ABCA10: variants seen among roughly 807,000 people sequenced by gnomAD.
ABCA10 encodes the protein ATP binding cassette subfamily A member 10.
Under a neutral mutation model 187.5 loss-of-function variants are expected in ABCA10, and 169 were observed. The observed-to-expected ratio is 0.90, with a 90% CI of 0.80 to 1.02. The LOEUF is 1.02. Among genes scored for constraint, ABCA10 ranks in the 50% least tolerant of loss-of-function variants. The pLI, the probability that ABCA10 is intolerant of heterozygous loss-of-function variation, is 0.00. For missense variants in ABCA10, 1,727 were observed against 1,812.4 expected (o/e 0.95, Z 0.86); for synonymous variants, 574 against 601.8 (o/e 0.95, Z 0.68).
upstream of ABCA10, chr17:69,228,987 C>A (rs2074813791): frequency 6.6e-6 from 1 of 151,632 alleles, no homozygotes; most frequent in South Asian, 2.1e-4. Flanking sequence ...GACAGCCAAG[C>A]TAAAAAAGGA....
At chr17:69,235,954 G>T (rs1029970126) in intron 1 of ABCA10, among the ~76,000 whole-genome samples, 1 of 152,112 alleles carries the variant, frequency 6.6e-6, no homozygotes, top group Non-Finnish European at 1.5e-5. Context: ...CTAGGCAAAA[G>T]AAAACTTCCA....
chr17:69,231,732 G>C (rs951650307), upstream of ABCA10, among the ~76,000 whole-genome samples: 16 of 152,132 alleles, frequency 1.1e-4, no homozygotes, highest in African/African-American at 3.9e-4. Flanking sequence ...TGAGAAGAAT[G>C]TGTATTCTGC....
chr17:69,222,688 A>C lies in ABCA10; in HGVS notation c.44T>G (p.Val15Gly). 6.4e-7 allele frequency: 1 copy of C among 1,573,236 alleles called. No homozygotes were observed. The highest frequency in any genetic ancestry group is 8.6e-7 in the Non-Finnish European group (1 of 1,168,518). ...GGTCTCTTCATCTGGTGTCCCAATG[A>C]CTGTTCTTCCTACCATGTATGAAAA... ...ALASFMKGRT[V>G]IGTPDEETMD... is the part of the protein sequence containing the mutation. Residue 15 changes from valine to glycine, a missense_variant, in exon 4 of 39, where the codon GTC becomes GGC. By Grantham distance (109) the Val-to-Gly change is moderately radical. Transcript: ENST00000690296.
intron 20 of ABCA10, among the ~76,000 whole-genome samples, chr17:69,183,974 G>C (rs2074401230): frequency 6.6e-6 from 1 of 152,074 alleles, no homozygotes; most frequent in African/African-American, 2.4e-5. Context: ...TGTAGCATGG[G>C]GTGAGTTCTC....
chr17:69,153,256 T>C lies in ABCA10; in HGVS notation c.4136+49A>G, dbSNP rs760747573. 3.2e-6 allele frequency: 5 copies of C among 1,555,838 alleles called. No individual in the cohort carries two copies. In the East Asian group the frequency reaches 1.1e-4, roughly 35 times the overall value. On this transcript the variant is annotated intron_variant, in intron 34 of 38. Transcript: ENST00000690296. ...ACAAAACAAAAACAAAAACAAAATATCCTAGAGGTATTCTCTTGACTCTGA... is the reference window on the plus strand; with the variant it reads ...ACAAAACAAAAACAAAAACAAAATACCCTAGAGGTATTCTCTTGACTCTGA...
At chr17:69,170,370 C>T (rs1209604019) in intron 25 of ABCA10, among the ~76,000 whole-genome samples, 1 of 149,416 alleles carries the variant, frequency 6.7e-6, no homozygotes, top group Non-Finnish European at 1.5e-5. Flanking sequence ...TTGCTTCTTT[C>T]ACCTTTATTC....
chr17:69,201,933 C>T (rs1462643308), intron 9 of ABCA10, among the ~76,000 whole-genome samples: 1 of 152,168 alleles, frequency 6.6e-6, no homozygotes, highest in Non-Finnish European at 1.5e-5. Context: ...CAGGCACCTG[C>T]CACCACGCCC....
intron 20 of ABCA10, among the ~76,000 whole-genome samples, chr17:69,183,198 A>C (rs1385213040): frequency 6.6e-6 from 1 of 152,188 alleles, no homozygotes; most frequent in Non-Finnish European, 1.5e-5. Context: ...CTCATGACCC[A>C]GGCTTGTTCT....
At chr17:69,225,294 A>G in intron 3 of ABCA10, 31 bp downstream of exon 3, 1 of 1,610,344 alleles carries the variant, frequency 6.2e-7, no homozygotes, top group South Asian at 1.1e-5. Flanking sequence ...AAGTCACATA[A>G]TACTGAAACA....
At chr17:69,179,434 A>G (rs2074361996) in intron 22 of ABCA10, among the ~76,000 whole-genome samples, 1 of 152,196 alleles carries the variant, frequency 6.6e-6, no homozygotes, top group Non-Finnish European at 1.5e-5. Flanking sequence ...TGGCCACATG[A>G]GACCCATTCA....
chr17:69,221,568 G>C (rs2074747624), intron 5 of ABCA10, among the ~76,000 whole-genome samples: 1 of 152,190 alleles, frequency 6.6e-6, no homozygotes, highest in Non-Finnish European at 1.5e-5. Context: ...AAGACATTAG[G>C]GATGAAGAAA....
At chr17:69,199,037 C>T (rs1178323389) in intron 10 of ABCA10, among the ~76,000 whole-genome samples, 1 of 152,146 alleles carries the variant, frequency 6.6e-6, no homozygotes, top group Non-Finnish European at 1.5e-5. Flanking sequence ...ATGTTAGTTC[C>T]TTGTGTTCCC....
At chr17:69,216,505 A>C (rs2144840496) in intron 6 of ABCA10, 147 bp from the exon 7 acceptor site, 2 of 843,016 alleles carry the variant, frequency 2.4e-6, no homozygotes, top group East Asian at 5.4e-5. Context: ...GACTATTAGC[A>C]AGTTATTTAT....
chr17:69,165,972 C>T (rs1463803009), intron 25 of ABCA10, among the ~76,000 whole-genome samples: 1 of 152,102 alleles, frequency 6.6e-6, no homozygotes, highest in African/African-American at 2.4e-5. Flanking sequence ...GAAACTCTTA[C>T]ATACCATACA....
intron 25 of ABCA10, among the ~76,000 whole-genome samples, chr17:69,173,202 G>C (rs754089044): frequency 3.3e-5 from 5 of 152,162 alleles, no homozygotes; most frequent in Admixed American, 6.5e-5. Flanking sequence ...TATGATATTT[G>C]ACCATTGTAG....
intron 11 of ABCA10, among the ~76,000 whole-genome samples, chr17:69,194,917 G>C (rs1288331779): frequency 6.6e-6 from 1 of 152,196 alleles, no homozygotes; most frequent in Non-Finnish European, 1.5e-5. Flanking sequence ...AAGGGGAAGA[G>C]TTTATTTCAT....
At chr17:69,238,252 C>G (rs1476961736) in intron 1 of ABCA10, among the ~76,000 whole-genome samples, 1 of 151,994 alleles carries the variant, frequency 6.6e-6, no homozygotes, top group Non-Finnish European at 1.5e-5. Flanking sequence ...ATGAACCAAC[C>G]CTGCTGACAT....
intron 1 of ABCA10, among the ~76,000 whole-genome samples, chr17:69,241,572 C>T (rs2074903519): frequency 6.6e-6 from 1 of 152,202 alleles, no homozygotes; most frequent in Admixed American, 6.5e-5. Flanking sequence ...TAAAGCTTCA[C>T]TGGTTCTGTT....
At chr17:69,184,702 G>A (rs2074406379) in intron 20 of ABCA10, among the ~76,000 whole-genome samples, 1 of 151,852 alleles carries the variant, frequency 6.6e-6, no homozygotes, top group Non-Finnish European at 1.5e-5. Flanking sequence ...TCCACTCCTG[G>A]GCATCTACTC....
Sources: allele counts gnomAD v4.1 joint callset (sites outside exome capture counted in the v4.1 genomes callset), GRCh38; gene constraint gnomAD v4.1.1; transcripts MANE v1.5; gene names NCBI Gene and HGNC (gene_info 2026-07-23, HGNC 2026-07-21).